The following PCYT1B variants were observed in gnomAD, a reference collection of about 807,000 sequenced individuals.
PCYT1B encodes the protein phosphate cytidylyltransferase 1B, choline.
PCYT1B carries 10 observed loss-of-function variants against 26.4 expected under a neutral mutation model. That is an observed-to-expected ratio of 0.38 (90% CI 0.23 to 0.64). The LOEUF is 0.64. PCYT1B is among the 30% of genes least tolerant of loss of function. PCYT1B has a pLI of 0.56. For synonymous variants in PCYT1B, 131 were observed against 108.4 expected, an observed-to-expected ratio of 1.21 and a Z score of -1.29; for missense variants, 161 against 292.7, an observed-to-expected ratio of 0.55 and a Z score of 3.28.
intron 1 of PCYT1B, among the ~76,000 whole-genome samples, chrX:24,672,044 C>T (rs951367073): frequency 1.8e-5 from 2 of 111,918 alleles, no homozygotes; most frequent in Non-Finnish European, 3.8e-5. Flanking sequence ...CGCCTGTAGT[C>T]CCAGCTACTT....
In PCYT1B at chrX:24,589,553, T is replaced by A. The variant is rs753583104; in HGVS notation, c.486+470A>T. Among the ~76,000 whole-genome samples the A allele has an allele frequency of 3.3e-4, 37 of 112,160 alleles. 1 individual carries two copies. Among genetic ancestry groups the A allele is most frequent in the African/African-American group, 1.2e-3 (36 of 30,914 alleles). ...TGTTCATTTGTCCCATGAAAAAGAA[T>A]GCCTGTGAATCGATAAGCATCAATA... On this transcript the variant is annotated intron_variant, in intron 4 of 7. Transcript: ENST00000379144.
Position 24,656,716 on chromosome X carries a change from CG to C in PCYT1B, c.63+15853del, listed in dbSNP as rs796819052. Among the ~76,000 whole-genome samples, 3 of 107,497 alleles carry C rather than the reference CG, an allele frequency of 2.8e-5. No homozygotes were observed. The South Asian group carries it at 1.3e-3, about 46-fold the overall frequency. 93.3% of individuals were successfully genotyped at this position (107,497 alleles called of 115,157 possible). ...TATTACAGGCATGCGCCACCACACCCGGCTAATTTTTGTATTTTTAGTAGAG... is the reference window on the plus strand; with the variant it reads ...TATTACAGGCATGCGCCACCACACCCGCTAATTTTTGTATTTTTAGTAGAG... On this transcript the variant is annotated intron_variant, in intron 1 of 7. Coordinates refer to the PCYT1B transcript ENST00000379145.
At chrX:24,613,924 G>A (rs931043939) in intron 2 of PCYT1B, among the ~76,000 whole-genome samples, 37 of 98,248 alleles carry the variant, frequency 3.8e-4, no homozygotes, top group East Asian at 2.3e-3. Context: ...CTGCACTCCA[G>A]CCTGGGTGAC....
At chrX:24,661,794 T>C (rs1927034554) in intron 1 of PCYT1B, among the ~76,000 whole-genome samples, 1 of 112,356 alleles carries the variant, frequency 8.9e-6, no homozygotes, top group Non-Finnish European at 1.9e-5. Context: ...AAAATGACAA[T>C]GTTTATAAAA....
chrX:24,593,723 C>T (rs1224303661), intron 3 of PCYT1B, among the ~76,000 whole-genome samples: 1 of 109,172 alleles, frequency 9.2e-6, no homozygotes, highest in African/African-American at 3.3e-5. Flanking sequence ...GATGGGGTTT[C>T]GCCATGTTGG....
Position 24,646,924 on chromosome X carries a change from G to A in PCYT1B, c.117+65C>T. On this transcript the variant is annotated intron_variant, in intron 1 of 7. Transcript: ENST00000379144. ...AAGCATCGTTTTCCTCGCTGGCTGC[G>A]GGCGCATAAGGAACTCTTTTATGCC... 11 of 876,097 alleles carry A rather than the reference G, an allele frequency of 1.3e-5. No individual in the cohort carries two copies. In the South Asian group the frequency reaches 2.0e-4, roughly 16 times the overall value. 72.2% of individuals were successfully genotyped at this position (876,097 alleles called of 1,213,427 possible).
In PCYT1B at chrX:24,562,303, T is replaced by A; in HGVS notation, c.1100A>T (p.Asp367Val). 8.6e-7 allele frequency: 1 copy of A among 1,156,926 alleles called. No homozygotes were observed. The highest frequency in any genetic ancestry group is 1.2e-6 in the Non-Finnish European group (1 of 867,662). Residue 367 changes from aspartate (D) to valine (V), a missense_variant, in exon 8 of 8, where the codon GAT (aspartate) becomes GTT (valine). By Grantham distance (152) the Asp-to-Val change is radical. This residue lies in a region of PCYT1B where 38 missense variants were observed against 55.9 expected (regional missense o/e 0.68). Coordinates refer to ENST00000379144, the MANE Select transcript of PCYT1B (RefSeq NM_004845.5). ...GCCTCCCAGCAGCCTCTACTTTTCA[T>A]CCTCATCCCCCTCGCTCATGCTGCT... ...SISSMSEGDE[D>V]EK
At position 24,559,251 on chromosome X, in the gene PCYT1B, A is replaced by G. The variant is rs1203508449; in HGVS notation, c.*3042T>C. The G allele has an allele frequency of 9.5e-6, 1 of 104,737 alleles. No homozygotes were observed. The highest frequency in any genetic ancestry group is 3.5e-5 in the African/African-American group (1 of 28,562). The allele number at this position is 104,737 out of a possible 1,213,427, so 8.6% of individuals were successfully genotyped here. A position where few individuals can be genotyped will look rare whatever the true frequency, so the allele number is the denominator to read the frequency against. ...AGAACCCCTTGAACCTGGGAGGTGG[A>G]GGCTGCAGTGAGCCGAGATTGTGCC... On this transcript the variant is annotated 3_prime_UTR_variant, in exon 8 of 8. Transcript: ENST00000379144.
intron 1 of PCYT1B, among the ~76,000 whole-genome samples, chrX:24,654,597 A>G (rs1469284441): frequency 9.5e-6 from 1 of 105,023 alleles, no homozygotes; most frequent in East Asian, 3.1e-4. Flanking sequence ...CTAAAAATAC[A>G]AAAACATGAG....
At chrX:24,654,749 CAAAAAAAAAAA>C (rs574317952) in intron 1 of PCYT1B, among the ~76,000 whole-genome samples, 2 of 40,049 alleles carry the variant, frequency 5.0e-5, no homozygotes, top group Non-Finnish European at 8.0e-5. Flanking sequence ...GACCCTGTCT[CAAAAAAAAAAA>C]AAAAAAAAAA....
chrX:24,595,148 T>C lies in PCYT1B; in HGVS notation c.335-4974A>G, dbSNP rs1924736829. Reference sequence around the variant, plus strand: ...ACTCCAAGCAGGTATGAGGGCCCCGTGGTACAGACTCCTTTGTAGGTGCTG... The same window carrying C: ...ACTCCAAGCAGGTATGAGGGCCCCGCGGTACAGACTCCTTTGTAGGTGCTG... On this transcript the variant is annotated intron_variant, in intron 3 of 7. Coordinates refer to ENST00000379144, the MANE Select transcript of PCYT1B (RefSeq NM_004845.5). 2.8e-5 allele frequency among the ~76,000 whole-genome samples: 3 copies of C among 108,996 alleles called. No homozygotes were observed. In the South Asian group the frequency reaches 1.2e-3, roughly 45 times the overall value. The allele number at this position is 108,996 out of a possible 115,157, so 94.6% of individuals were successfully genotyped here.
chrX:24,655,745 T>C (rs1926890140), intron 1 of PCYT1B, among the ~76,000 whole-genome samples: 1 of 110,037 alleles, frequency 9.1e-6, no homozygotes, highest in Admixed American at 9.7e-5. Flanking sequence ...GATTGTGCTA[T>C]TGCACTCCAG....
upstream of PCYT1B, chrX:24,650,112 G>T (rs772402997): frequency 9.0e-6 from 1 of 111,728 alleles, no homozygotes; most frequent in African/African-American, 3.3e-5. Flanking sequence ...CCTGGCAGCT[G>T]CTACAACCTG....
chrX:24,593,241 C>A (rs956328311), intron 3 of PCYT1B, among the ~76,000 whole-genome samples: 2 of 111,427 alleles, frequency 1.8e-5, no homozygotes, highest in African/African-American at 3.3e-5. Flanking sequence ...AATGAATTAA[C>A]AAAGCCTGAT....
intron 1 of PCYT1B, among the ~76,000 whole-genome samples, chrX:24,654,749 C>CAAAAAA (rs574317952): frequency 1.3e-3 from 53 of 39,972 alleles, no homozygotes; most frequent in African/African-American, 2.1e-3. Context: ...GACCCTGTCT[C>CAAAAAA]AAAAAAAAAA....
chrX:24,609,394 C>T (rs1276958675), intron 2 of PCYT1B, among the ~76,000 whole-genome samples: 1 of 111,524 alleles, frequency 9.0e-6, no homozygotes. Context: ...TGGTCTTAAA[C>T]TCCTGACCTT....
chrX:24,631,833 C>T (rs932213869), intron 1 of PCYT1B, among the ~76,000 whole-genome samples: 3 of 111,006 alleles, frequency 2.7e-5, no homozygotes, highest in Non-Finnish European at 3.8e-5. Context: ...GGCACGGTGG[C>T]GCATGCCTGT....
intron 3 of PCYT1B, among the ~76,000 whole-genome samples, chrX:24,590,458 CTT>C (rs997138760): frequency 1.8e-5 from 2 of 111,901 alleles, no homozygotes; most frequent in African/African-American, 6.5e-5. Context: ...ACTTTCATAT[CTT>C]TTTATTTTCC....
chrX:24,654,100 CTTTTTTTTTT>C (rs35924266), intron 1 of PCYT1B, among the ~76,000 whole-genome samples: 1 of 33,107 alleles, frequency 3.0e-5, no homozygotes, highest in Admixed American at 5.2e-4. Flanking sequence ...TTCTTTCTTT[CTTTTTTTTTT>C]TTTTTTTTTT....
Sources: gnomAD v4.1 joint callset for allele counts (sites outside exome capture counted in the v4.1 genomes callset) on GRCh38, gnomAD v4.1.1 for gene constraint, gnomAD v4.1.1 regional missense constraint, MANE v1.5 for transcripts, NCBI Gene and HGNC (gene_info 2026-07-23, HGNC 2026-07-21) for gene names.